The following CPVL variants were observed in gnomAD, a reference collection of about 807,000 sequenced individuals.
The protein encoded by CPVL is probable serine carboxypeptidase CPVL.
In CPVL, 51 loss-of-function variants were observed where a neutral mutation model predicts 63.7. The ratio of observed to expected loss-of-function variants is 0.80; its 90% CI spans 0.64 to 1.01. The LOEUF (loss-of-function observed/expected upper bound fraction) is 1.01. Among genes scored for constraint, CPVL ranks in the 50% least tolerant of loss-of-function variants. The pLI, the probability that CPVL is intolerant of heterozygous loss-of-function variation, is 0.00. For synonymous variants in CPVL, 195 were observed against 206.0 expected (o/e 0.95, Z 0.46); for missense variants, 530 against 573.1 (o/e 0.92, Z 0.77).
At position 29,086,513 on chromosome 7, in the gene CPVL, T is replaced by A. The variant is rs764980288; in HGVS notation, c.580A>T (p.Lys194Ter). The change falls in exon 7 of 13, where the codon AAA (lysine) becomes TAA (stop). Residue 194 changes from lysine to a stop codon, truncating the protein, a stop_gained. Transcript: ENST00000265394. LOFTEE classifies it high-confidence loss of function. ...IQFFQIFPEY[K>*]NNDFYVTGES... is the part of the protein sequence containing the mutation. ...CCAGTGACATAAAAGTCATTATTTT[T>A]ATATTCAGGAAATATCTGGAAAAAC... 2.0e-5 allele frequency: 33 copies of A among 1,612,674 alleles called. No individual in the cohort carries two copies. The highest frequency in any genetic ancestry group is 2.8e-5 in the Non-Finnish European group (33 of 1,178,768).
intron 12 of CPVL, among the ~76,000 whole-genome samples, chr7:29,028,682 G>T (rs1230581377): frequency 6.6e-6 from 1 of 151,930 alleles, no homozygotes; most frequent in Non-Finnish European, 1.5e-5. Flanking sequence ...AGTGAGAAAA[G>T]GGCCAGGCGT....
chr7:29,022,222 C>T (rs317738), intron 12 of CPVL, among the ~76,000 whole-genome samples: 24,127 of 152,064 alleles, frequency 0.16, 1,959 homozygotes, highest in Middle Eastern at 0.23. Flanking sequence ...CCCAAGGACA[C>T]CATCCAAGGT....
chr7:29,142,968 C>T (rs1465919727), intron 1 of CPVL, among the ~76,000 whole-genome samples: 2 of 152,150 alleles, frequency 1.3e-5, no homozygotes, highest in Non-Finnish European at 2.9e-5. Context: ...CTTACTTGCC[C>T]CGAGACATTT....
intron 3 of CPVL, among the ~76,000 whole-genome samples, chr7:29,103,411 A>ATTTTTTTTTTTTT (rs551627609): frequency 2.2e-5 from 3 of 134,806 alleles, no homozygotes; most frequent in African/African-American, 2.9e-5. Context: ...ATGCTCAGCT[A>ATTTTTTTTTTTTT]TTTTTTTTTT....
chr7:29,141,131 C>A lies in CPVL; in HGVS notation c.-11+5298G>T, dbSNP rs148512660. ...GTGCTTTGAGCTTCCCTGCTGATCA[C>A]CTTCTCAAAACAGAGGGGCCACAGT... is the stretch of plus-strand genomic sequence containing the variant. On this transcript the variant is annotated intron_variant, in intron 1 of 12. Transcript: ENST00000265394. Among the ~76,000 whole-genome samples the A allele has an allele frequency of 3.9e-5, 6 of 152,328 alleles. No homozygotes were observed. The East Asian group carries it at 9.6e-4, about 24-fold the overall frequency.
Position 29,112,819 on chromosome 7 carries a change from C to A in CPVL, c.173G>T (p.Arg58Ile). 6.2e-7 allele frequency: 1 copy of A among 1,608,118 alleles called. No individual in the cohort carries two copies. Among genetic ancestry groups the A allele is most frequent in the South Asian group, 1.1e-5 (1 of 90,950 alleles). ...GAAAGGGCCGACCAAACTCAATTCT[C>A]TTCCTAGTGGGGGAAAAAAAATTTA... is the stretch of plus-strand genomic sequence containing the variant. ...YIEAGKIQKG[R>I]ELSLVGPFPG... The change falls in exon 3 of 13, where the codon AGA becomes ATA. Residue 58 changes from arginine to isoleucine, a missense_variant. Coordinates refer to ENST00000265394, the MANE Select transcript of CPVL (RefSeq NM_031311.5).
intron 12 of CPVL, among the ~76,000 whole-genome samples, chr7:29,026,149 A>G (rs1584025075): frequency 6.6e-6 from 1 of 152,220 alleles, no homozygotes; most frequent in East Asian, 1.9e-4. Flanking sequence ...ATTAAACTAG[A>G]AATCAATACC....
At chr7:29,023,561 C>T (rs937693287) in intron 12 of CPVL, among the ~76,000 whole-genome samples, 1 of 152,118 alleles carries the variant, frequency 6.6e-6, no homozygotes, top group Non-Finnish European at 1.5e-5. Context: ...AGGATCAGCC[C>T]ACTCAGACCT....
chr7:29,158,289 T>C lies in CPVL; in HGVS notation c.-11+23001A>G, dbSNP rs117626229. ...AGTTTATAGCACACACATATTTTCTTAGGACCTCAGTTTCCACCATCCTAT... is the reference window on the plus strand; with the variant it reads ...AGTTTATAGCACACACATATTTTCTCAGGACCTCAGTTTCCACCATCCTAT... On this transcript the variant is annotated intron_variant, in intron 5 of 16. Transcript: ENST00000409850. 1.2e-3 allele frequency among the ~76,000 whole-genome samples: 179 copies of C among 152,336 alleles called. 3 individuals carry two copies. The East Asian group carries it at 0.025, about 21-fold the overall frequency.
At chr7:29,088,735 G>A (rs923875662) in intron 6 of CPVL, among the ~76,000 whole-genome samples, 1 of 152,152 alleles carries the variant, frequency 6.6e-6, no homozygotes, top group African/African-American at 2.4e-5. Context: ...TCACACCTGT[G>A]GGAGGCCGAG....
chr7:29,051,849 A>C (rs2128173934), intron 11 of CPVL, among the ~76,000 whole-genome samples: 1 of 151,748 alleles, frequency 6.6e-6, no homozygotes, highest in Non-Finnish European at 1.5e-5. Context: ...AACCAACCCA[A>C]ATGCCCATCA....
intron 1 of CPVL, among the ~76,000 whole-genome samples, chr7:29,140,735 C>A (rs531320031): frequency 2.0e-5 from 3 of 152,158 alleles, no homozygotes; most frequent in African/African-American, 7.2e-5. Context: ...CTATCGCACC[C>A]TCTCTCCAAA....
At chr7:29,037,507 C>T (rs1166608287) in intron 11 of CPVL, among the ~76,000 whole-genome samples, 2 of 139,254 alleles carry the variant, frequency 1.4e-5, no homozygotes, top group Non-Finnish European at 1.5e-5. Flanking sequence ...GAGCTGCGAT[C>T]GCACCACTGC....
chr7:29,160,914 A>G (rs912968351), intron 5 of CPVL, among the ~76,000 whole-genome samples: 1 of 152,180 alleles, frequency 6.6e-6, no homozygotes, highest in African/African-American at 2.4e-5. Flanking sequence ...GCTACAGATT[A>G]ATTTTATAAA....
At chr7:29,153,640 G>A (rs1315991145) in intron 5 of CPVL, among the ~76,000 whole-genome samples, 1 of 152,110 alleles carries the variant, frequency 6.6e-6, no homozygotes, top group African/African-American at 2.4e-5. Flanking sequence ...TATGATCTTG[G>A]CTCACTGCAA....
At chr7:29,049,633 G>C (rs866289772) in intron 11 of CPVL, among the ~76,000 whole-genome samples, 1 of 152,096 alleles carries the variant, frequency 6.6e-6, no homozygotes, top group Non-Finnish European at 1.5e-5. Context: ...CCACGACATA[G>C]AGAAAGAGGG....
chr7:29,071,508 C>G (rs534459227), intron 9 of CPVL, among the ~76,000 whole-genome samples: 1 of 152,250 alleles, frequency 6.6e-6, no homozygotes, highest in African/African-American at 2.4e-5. Context: ...TTAAAGAAAT[C>G]AAAACGGTTA....
At chr7:29,006,021 T>C (rs143272062) in intron 12 of CPVL, among the ~76,000 whole-genome samples, 62 of 152,292 alleles carry the variant, frequency 4.1e-4, no homozygotes, top group African/African-American at 1.4e-3. Context: ...TCATCTTCTG[T>C]GTACCATGGA....
chr7:29,125,166 A>G (rs975940525), intron 1 of CPVL: 1 of 152,178 alleles, frequency 6.6e-6, no homozygotes, highest in Non-Finnish European at 1.5e-5. Flanking sequence ...ATGAGAGTGC[A>G]TATAGTTGGT....
Sources: gnomAD v4.1 joint callset for allele counts (sites outside exome capture counted in the v4.1 genomes callset) on GRCh38, gnomAD v4.1.1 for gene constraint, MANE v1.5 for transcripts, NCBI Gene and HGNC (gene_info 2026-07-23, HGNC 2026-07-21) for gene names.